The following SASH1 variants were observed in gnomAD, a reference collection of about 807,000 sequenced individuals.
SASH1 encodes the protein SAM and SH3 domain-containing protein 1.
In SASH1, 44 loss-of-function variants were observed where a neutral mutation model predicts 125.2. The ratio of observed to expected loss-of-function variants is 0.35; its 90% CI spans 0.28 to 0.45. The LOEUF is 0.45. Ranked by LOEUF, SASH1 falls within the 20% of genes least tolerant of loss-of-function variation. The pLI, the probability that SASH1 is intolerant of heterozygous loss-of-function variation, is 1.00. For missense variants in SASH1, 1,426 were observed against 1,614.5 expected (o/e 0.88, Z 2.00); for synonymous variants, 639 against 649.1 (o/e 0.98, Z 0.24).
At chr6:148,309,334 C>T (rs2128517826) in intron 1 of SASH1, among the ~76,000 whole-genome samples, 1 of 152,278 alleles carries the variant, frequency 6.6e-6, no homozygotes, top group South Asian at 2.1e-4. Flanking sequence ...CTGTGGGTTA[C>T]AGAAAGGCCT....
intron 4 of SASH1, among the ~76,000 whole-genome samples, chr6:148,442,993 C>A (rs991655636): frequency 3.3e-5 from 5 of 152,062 alleles, no homozygotes; most frequent in Admixed American, 1.3e-4. Context: ...GCAGACTGTT[C>A]TCGAACTCCT....
chr6:148,228,039 CA>C, the SASH1 span, among the ~76,000 whole-genome samples: 1 of 152,168 alleles, frequency 6.6e-6, no homozygotes, highest in Non-Finnish European at 1.5e-5. Context: ...CATTACATTT[CA>C]AGCTAGTACA....
Position 148,470,737 on chromosome 6 carries a change from C to T in SASH1, c.428-680C>T, listed in dbSNP as rs182223247. ...GAGACCCATTTGGGAGATGACACAGCGGGATTGCAGTCTTGCTTGTCTTTG... is the reference window on the plus strand; with the variant it reads ...GAGACCCATTTGGGAGATGACACAGTGGGATTGCAGTCTTGCTTGTCTTTG... On this transcript the variant is annotated intron_variant, in intron 5 of 19. Transcript: ENST00000367467. Among the ~76,000 whole-genome samples the T allele has an allele frequency of 6.9e-4, 105 of 152,208 alleles. 1 individual carries two copies. Among genetic ancestry groups the T allele is most frequent in the African/African-American group, 2.4e-3 (100 of 41,540 alleles).
chr6:148,494,718 T>C (rs972962820), intron 8 of SASH1, among the ~76,000 whole-genome samples: 2 of 152,206 alleles, frequency 1.3e-5, no homozygotes, highest in Admixed American at 1.3e-4. Flanking sequence ...ATGTGTGCAC[T>C]CTTCATAGCC....
At chr6:148,419,934 A>G (rs796623246) in intron 2 of SASH1, among the ~76,000 whole-genome samples, 22 of 152,326 alleles carry the variant, frequency 1.4e-4, no homozygotes, top group African/African-American at 5.1e-4. Flanking sequence ...AGGAAAGGAG[A>G]GTTCAACAAG....
the SASH1 span, among the ~76,000 whole-genome samples, chr6:148,230,260 G>A: frequency 6.6e-6 from 1 of 152,030 alleles, no homozygotes; most frequent in East Asian, 1.9e-4. Context: ...TTTTATTGCT[G>A]AATAATACCT....
intron 1 of SASH1, among the ~76,000 whole-genome samples, chr6:148,365,607 G>A (rs1261427519): frequency 6.6e-6 from 1 of 152,008 alleles, no homozygotes; most frequent in African/African-American, 2.4e-5. Flanking sequence ...CACCTTTGAT[G>A]TCTTGCTCTC....
chr6:148,390,058 G>A (rs1345790021), intron 1 of SASH1, 76 bp from the exon 2 acceptor site: 24 of 1,545,336 alleles, frequency 1.6e-5, no homozygotes, highest in African/African-American at 2.7e-5. Context: ...TTAACTCTGC[G>A]TAGAGGGAGG....
chr6:148,362,464 G>A (rs564000679), intron 1 of SASH1, among the ~76,000 whole-genome samples: 1 of 152,014 alleles, frequency 6.6e-6, no homozygotes, highest in East Asian at 1.9e-4. Context: ...AGATTGCAAT[G>A]TGCCCCATCT....
the SASH1 span, among the ~76,000 whole-genome samples, chr6:148,202,362 G>A: frequency 2.0e-5 from 3 of 152,056 alleles, no homozygotes; most frequent in Admixed American, 2.0e-4. Flanking sequence ...TGACCCACAG[G>A]GCCCACATAG....
intron 1 of SASH1, among the ~76,000 whole-genome samples, chr6:148,318,435 A>G: frequency 6.6e-6 from 1 of 152,268 alleles, no homozygotes; most frequent in South Asian, 2.1e-4. Flanking sequence ...TTCATTTGAC[A>G]TTCATTTATT....
upstream of SASH1, among the ~76,000 whole-genome samples, chr6:148,339,550 A>T (rs1223957357): frequency 1.3e-5 from 2 of 151,370 alleles, no homozygotes; most frequent in Non-Finnish European, 2.9e-5. Flanking sequence ...ATATCTATAT[A>T]AATATCTATA....
chr6:148,526,826 C>T (rs976579830), intron 11 of SASH1, among the ~76,000 whole-genome samples: 17 of 152,082 alleles, frequency 1.1e-4, no homozygotes, highest in Non-Finnish European at 2.2e-4. Flanking sequence ...TCTATTCTCC[C>T]CCATTGCTGG....
intron 5 of SASH1, among the ~76,000 whole-genome samples, chr6:148,470,915 G>A (rs1308300475): frequency 1.3e-5 from 2 of 152,070 alleles, no homozygotes; most frequent in Non-Finnish European, 1.5e-5. Context: ...CCTGACCTGT[G>A]GGCCCAGGAC....
At chr6:148,334,356 A>G (rs1460503610) in intron 1 of SASH1, among the ~76,000 whole-genome samples, 116 of 132,084 alleles carry the variant, frequency 8.8e-4, no homozygotes, top group Non-Finnish European at 1.6e-3. Flanking sequence ...TGAACCCGGG[A>G]GGCGGAGCTT....
At chr6:148,387,232 C>T (rs993605294) in intron 1 of SASH1, among the ~76,000 whole-genome samples, 7 of 151,360 alleles carry the variant, frequency 4.6e-5, no homozygotes, top group Non-Finnish European at 8.8e-5. Flanking sequence ...ATTCTCCTGC[C>T]TCAGGCTCCA....
At chr6:148,193,581 A>G in the SASH1 span, among the ~76,000 whole-genome samples, 7 of 152,332 alleles carry the variant, frequency 4.6e-5, no homozygotes, top group Admixed American at 1.3e-4. Context: ...TCCCTTCACT[A>G]TGGAGCATTT....
intron 2 of SASH1, among the ~76,000 whole-genome samples, chr6:148,410,909 C>T (rs1175355257): frequency 6.6e-6 from 1 of 152,072 alleles, no homozygotes; most frequent in Admixed American, 6.6e-5. Context: ...CCTGTAATCC[C>T]AGCACTTTGG....
chr6:148,263,802 G>A, the SASH1 span, among the ~76,000 whole-genome samples: 3 of 152,180 alleles, frequency 2.0e-5, no homozygotes. Flanking sequence ...CTAACTCCGT[G>A]TTAGAAGGAA....
Sources: gnomAD v4.1 joint callset for allele counts (sites outside exome capture counted in the v4.1 genomes callset) on GRCh38, gnomAD v4.1.1 for gene constraint, MANE v1.5 for transcripts, NCBI Gene and HGNC (gene_info 2026-07-23, HGNC 2026-07-21) for gene names.